Variants in FOXP2 observed in about 807,000 individuals in gnomAD.
FOXP2 encodes the protein forkhead box protein P2.
Under a neutral mutation model 115.8 loss-of-function variants are expected in FOXP2, and 12 were observed. The ratio of observed to expected loss-of-function variants is 0.10; its 90% CI spans 0.07 to 0.17. The LOEUF is 0.17. FOXP2 is among the 10% of genes least tolerant of loss of function. The pLI, the probability that FOXP2 is intolerant of heterozygous loss-of-function variation, is 1.00. For missense variants in FOXP2, 629 were observed against 843.5 expected (o/e 0.75, Z 3.15); for synonymous variants, 328 against 297.7 (o/e 1.10, Z -1.05).
At chr7:114,192,793 G>A (rs938837603) in intron 1 of FOXP2, among the ~76,000 whole-genome samples, 14 of 152,134 alleles carry the variant, frequency 9.2e-5, no homozygotes, top group Non-Finnish European at 2.1e-4. Flanking sequence ...TTAAAAGAAA[G>A]TACTGTATAC....
chr7:114,680,972 A>G (rs1207319562), intron 16 of FOXP2, among the ~76,000 whole-genome samples: 1 of 152,196 alleles, frequency 6.6e-6, no homozygotes, highest in Non-Finnish European at 1.5e-5. Context: ...TATATTAAGA[A>G]TACATGTGTT....
intron 2 of FOXP2, 97 bp from the exon 3 acceptor site, chr7:114,534,520 G>A: frequency 1.0e-6 from 1 of 988,456 alleles, no homozygotes; most frequent in Non-Finnish European, 1.6e-6. Flanking sequence ...GAATATGGGA[G>A]TTCTTGTACA....
At chr7:114,610,242 A>G (rs1037707846) in intron 3 of FOXP2, among the ~76,000 whole-genome samples, 4 of 152,244 alleles carry the variant, frequency 2.6e-5, no homozygotes, top group Non-Finnish European at 4.4e-5. Context: ...TAGCTACACC[A>G]TTGCAACTGA....
intron 2 of FOXP2, among the ~76,000 whole-genome samples, chr7:114,524,713 T>G (rs1798782116): frequency 6.6e-6 from 1 of 152,190 alleles, no homozygotes; most frequent in South Asian, 2.1e-4. Flanking sequence ...TTACTTTGTT[T>G]TTACTGAACC....
At chr7:114,634,859 G>A (rs184131787) in intron 6 of FOXP2, among the ~76,000 whole-genome samples, 43 of 152,148 alleles carry the variant, frequency 2.8e-4, no homozygotes, top group Middle Eastern at 3.4e-3. Flanking sequence ...TCCGATAAAC[G>A]TTTGTGTACT....
chr7:114,588,330 C>CA (rs1189940390), intron 3 of FOXP2, among the ~76,000 whole-genome samples: 1 of 151,592 alleles, frequency 6.6e-6, no homozygotes, highest in African/African-American at 2.4e-5. Context: ...AAAACAAAAA[C>CA]AAAAAACAAA....
chr7:114,203,913 A>G (rs1181416490), intron 1 of FOXP2, among the ~76,000 whole-genome samples: 3 of 152,330 alleles, frequency 2.0e-5, no homozygotes, highest in East Asian at 3.9e-4. Context: ...AATCACTGCC[A>G]TGGTAATATT....
chr7:114,639,148 A>G (rs1805388599), intron 6 of FOXP2, among the ~76,000 whole-genome samples: 1 of 152,204 alleles, frequency 6.6e-6, no homozygotes, highest in South Asian at 2.1e-4. Context: ...AAAACCATCT[A>G]AGAGTCTTAA....
At chr7:114,273,857 A>C (rs1461909669) in intron 1 of FOXP2, among the ~76,000 whole-genome samples, 1 of 152,072 alleles carries the variant, frequency 6.6e-6, no homozygotes, top group East Asian at 1.9e-4. Context: ...CCTTGTAGAC[A>C]ACAAATAATT....
rs1005887517 is a variant in FOXP2, at chr7:114,113,732, G to A, written c.-247+25894G>A. 3.9e-5 allele frequency among the ~76,000 whole-genome samples: 6 copies of A among 151,940 alleles called. No homozygotes were observed. The South Asian group carries it at 6.2e-4, about 16-fold the overall frequency. On this transcript the variant is annotated intron_variant, in intron 1 of 19. Coordinates refer to the FOXP2 transcript ENST00000635638. ...TTGTCTAGGCTGGTCTCACACTCCTGGACCCAAGTGATCCTCCTGCCTTGA... is the reference window on the plus strand; with the variant it reads ...TTGTCTAGGCTGGTCTCACACTCCTAGACCCAAGTGATCCTCCTGCCTTGA...
At chr7:114,104,511 A>G (rs908823882) in intron 1 of FOXP2, among the ~76,000 whole-genome samples, 1 of 151,976 alleles carries the variant, frequency 6.6e-6, no homozygotes, top group East Asian at 1.9e-4. Flanking sequence ...AGGTGATGAA[A>G]ATTTAAGAAA....
chr7:114,511,236 A>G (rs920040561), intron 2 of FOXP2, among the ~76,000 whole-genome samples: 1 of 152,190 alleles, frequency 6.6e-6, no homozygotes, highest in Non-Finnish European at 1.5e-5. Flanking sequence ...GGATAGCATT[A>G]GGAGAAATAC....
intron 1 of FOXP2, among the ~76,000 whole-genome samples, chr7:114,283,430 T>G (rs1365221678): frequency 6.6e-6 from 1 of 152,188 alleles, no homozygotes; most frequent in Non-Finnish European, 1.5e-5. Flanking sequence ...ATTATGATAT[T>G]CAGCAGTAGA....
intron 2 of FOXP2, among the ~76,000 whole-genome samples, chr7:114,395,848 A>AG (rs1048065049): frequency 3.5e-4 from 53 of 151,772 alleles, no homozygotes; most frequent in Admixed American, 7.2e-4. Context: ...GTGTGGGGGC[A>AG]GGGGGGGTCA....
At chr7:114,544,380 G>C (rs1353748317) in intron 3 of FOXP2, among the ~76,000 whole-genome samples, 1 of 152,094 alleles carries the variant, frequency 6.6e-6, no homozygotes, top group Non-Finnish European at 1.5e-5. Context: ...TCAAGCTGTG[G>C]CTAAAGTTTG....
intron 6 of FOXP2, among the ~76,000 whole-genome samples, chr7:114,639,172 ATGT>A (rs1485119763): frequency 1.3e-5 from 2 of 152,186 alleles, no homozygotes; most frequent in African/African-American, 2.4e-5. Context: ...GAGATATAAA[ATGT>A]TGTTAGCCAC....
chr7:114,291,499 A>G (rs565069836), intron 2 of FOXP2, among the ~76,000 whole-genome samples: 33 of 152,262 alleles, frequency 2.2e-4, no homozygotes, highest in African/African-American at 7.5e-4. Flanking sequence ...GAATTTTCAT[A>G]TATGTAGAAG....
At chr7:114,088,331 G>A (rs1477532467) in intron 1 of FOXP2, 1 of 152,436 alleles carries the variant, frequency 6.6e-6, no homozygotes, top group Admixed American at 6.5e-5. Context: ...GAGTGTGTAA[G>A]GTGTGTGCAT....
At chr7:114,324,379 G>A (rs892546136) in intron 2 of FOXP2, among the ~76,000 whole-genome samples, 1 of 151,752 alleles carries the variant, frequency 6.6e-6, no homozygotes, top group Non-Finnish European at 1.5e-5. Flanking sequence ...TTCCCTTTGA[G>A]CTAGCCTGTT....
Sources: allele counts gnomAD v4.1 joint callset (sites outside exome capture counted in the v4.1 genomes callset), GRCh38; gene constraint gnomAD v4.1.1; transcripts MANE v1.5; gene names NCBI Gene and HGNC (gene_info 2026-07-23, HGNC 2026-07-21).